TRMT13: variants seen among roughly 807,000 people sequenced by gnomAD.
TRMT13 encodes the protein tRNA:m(4)X modification enzyme TRM13 homolog.
Under a neutral mutation model 55.9 loss-of-function variants are expected in TRMT13, and 45 were observed. That is an observed-to-expected ratio of 0.80 (90% CI 0.63 to 1.03). TRMT13 has a LOEUF of 1.03. TRMT13 is among the 50% of genes least tolerant of loss of function. The pLI, the probability that TRMT13 is intolerant of heterozygous loss-of-function variation, is 0.00. For missense variants in TRMT13, 513 were observed against 563.9 expected, an observed-to-expected ratio of 0.91 and a Z score of 0.91; for synonymous variants, 183 against 196.3, an observed-to-expected ratio of 0.93 and a Z score of 0.57.
chr1:100,133,774 G>A (rs1376058137), intron 1 of TRMT13, among the ~76,000 whole-genome samples: 1 of 152,154 alleles, frequency 6.6e-6, no homozygotes, highest in African/African-American at 2.4e-5. Flanking sequence ...GGCCCGGCGC[G>A]GTGGCTCACG....
In TRMT13 at chr1:100,140,900, A is replaced by G; in HGVS notation, c.550A>G (p.Arg184Gly). The change falls in exon 7 of 11, where the codon AGA becomes GGA. Residue 184 changes from arginine (R) to glycine (G), a missense_variant. Physicochemically the swap from Arg to Gly is moderately radical, Grantham distance 125. Transcript: ENST00000370141. ...IENLKLLGPR[R>G]CFVEFGAGKG... The stretch of plus-strand genomic sequence containing the variant: ...AAATTTAAAGTTACTTGGTCCAAGA[A>G]GATGCTTTGTTGAGTTTGGAGCGGG... 6.2e-7 allele frequency: 1 copy of G among 1,613,840 alleles called. No homozygotes were observed. Among genetic ancestry groups the G allele is most frequent in the East Asian group, 2.2e-5 (1 of 44,802 alleles).
At chr1:100,143,535 C>T (rs542399376) in intron 8 of TRMT13, among the ~76,000 whole-genome samples, 1 of 152,230 alleles carries the variant, frequency 6.6e-6, no homozygotes, top group East Asian at 1.9e-4. Context: ...AGCCTTCTGC[C>T]TGCAGTTAAC....
chr1:100,139,847 T>G (rs919708923), intron 4 of TRMT13, 136 bp downstream of exon 4: 1 of 620,814 alleles, frequency 1.6e-6, no homozygotes. Context: ...CTTAATATTG[T>G]TAGTGATGGT....
chr1:100,143,253 T>C (rs766602051), intron 8 of TRMT13, 44 bp downstream of exon 8: 2 of 1,304,878 alleles, frequency 1.5e-6, no homozygotes, highest in Non-Finnish European at 2.2e-6. Flanking sequence ...AAATCATAAC[T>C]GTTTTAAACT....
chr1:100,146,290 T>A (rs1338991969), intron 9 of TRMT13, among the ~76,000 whole-genome samples: 3 of 152,218 alleles, frequency 2.0e-5, no homozygotes, highest in African/African-American at 7.2e-5. Context: ...TCTTCCACCA[T>A]GCTCTGAATT....
At chr1:100,133,735 G>A (rs1178708033) in intron 1 of TRMT13, among the ~76,000 whole-genome samples, 2 of 152,130 alleles carry the variant, frequency 1.3e-5, no homozygotes, top group African/African-American at 4.8e-5. Flanking sequence ...GCGGTTGGAA[G>A]AAACTTTCTT....
chr1:100,133,284 G>A lies in TRMT13; in HGVS notation c.116G>A (p.Arg39Lys), dbSNP rs746522645. 1.9e-6 allele frequency: 3 copies of A among 1,614,028 alleles called. No homozygotes were observed. The highest frequency in any genetic ancestry group is 2.2e-5 in the East Asian group (1 of 44,874). Reference sequence around the variant, plus strand: ...AGGATGGTGGTGGCCGCAGGGAAAAGATTTTGTGGTGAACACGCTGGAGCC... The same window carrying A: ...AGGATGGTGGTGGCCGCAGGGAAAAAATTTTGTGGTGAACACGCTGGAGCC... ...FCRMVVAAGK[R>K]FCGEHAGAAE... The change falls in exon 1 of 11, where the codon AGA becomes AAA. Residue 39 changes from arginine (R) to lysine (K), a missense_variant. Arg to Lys is a conservative substitution (Grantham distance 26). Coordinates refer to ENST00000370141, the MANE Select transcript of TRMT13 (RefSeq NM_019083.3).
intron 3 of TRMT13, among the ~76,000 whole-genome samples, chr1:100,139,263 CTGT>C (rs1322156403): frequency 5.3e-5 from 8 of 152,172 alleles, no homozygotes; most frequent in Admixed American, 5.2e-4. Context: ...TAGTACTTTG[CTGT>C]TTTTACTTTA....
intron 7 of TRMT13, 81 bp downstream of exon 7, chr1:100,141,100 T>C: frequency 7.7e-7 from 1 of 1,291,380 alleles, no homozygotes; most frequent in African/African-American, 1.5e-5. Flanking sequence ...TAGAAACATT[T>C]CTTAAAAGAA....
rs372251736 is a variant in TRMT13 at position 100,133,341 on chromosome 1, G to A, written c.147+26G>A. ...GTGTGGTATCGCCCTACTCTCTCAA[G>A]AGTCGGAAATAAGTATCCTGGTCCT... On this transcript the variant is annotated intron_variant, in intron 1 of 10. Transcript: ENST00000370141. 36 of 1,611,076 alleles carry A rather than the reference G, an allele frequency of 2.2e-5. No homozygotes were observed. The African/African-American group carries it at 4.5e-4, about 20-fold the overall frequency.
chr1:100,135,849 G>A (rs934483687), intron 1 of TRMT13, among the ~76,000 whole-genome samples: 11 of 152,112 alleles, frequency 7.2e-5, no homozygotes, highest in African/African-American at 2.4e-4. Context: ...GTCAACAACA[G>A]ACCGCATATA....
intron 3 of TRMT13, among the ~76,000 whole-genome samples, chr1:100,139,284 A>G (rs528054238): frequency 1.3e-5 from 2 of 152,354 alleles, no homozygotes; most frequent in African/African-American, 4.8e-5. Flanking sequence ...TTAGCACTAT[A>G]AGACAAAATT....
At position 100,150,056 on chromosome 1, in the gene TRMT13, C is replaced by G. The variant is rs752927920; in HGVS notation, c.*1236C>G. 1 of 152,230 alleles carries G rather than the reference C, an allele frequency of 6.6e-6. No individual in the cohort carries two copies. The highest frequency in any genetic ancestry group is 1.5e-5 in the Non-Finnish European group (1 of 68,134). 9.4% of individuals were successfully genotyped at this position (152,230 alleles called of 1,614,324 possible). A position where few individuals can be genotyped will look rare whatever the true frequency, so the allele number is the denominator to read the frequency against. On this transcript the variant is annotated 3_prime_UTR_variant, in exon 11 of 11. Coordinates refer to ENST00000370141, the MANE Select transcript of TRMT13 (RefSeq NM_019083.3). ...CGACCTTGGGCATGCTACCTAATCT[C>G]TTTGTGCCTCAATTTCCTCCTTTTA...
intron 3 of TRMT13, 119 bp downstream of exon 3, chr1:100,137,204 T>G: frequency 1.1e-6 from 1 of 879,850 alleles, no homozygotes; most frequent in Non-Finnish European, 1.7e-6. Context: ...AAATATAATT[T>G]TTTTTTAAAG....
intron 3 of TRMT13, 100 bp from the exon 4 acceptor site, chr1:100,139,549 A>T: frequency 1.5e-6 from 1 of 671,538 alleles, no homozygotes; most frequent in Non-Finnish European, 2.6e-6. Flanking sequence ...GGAGGATGGC[A>T]GGTACAGAGC....
intron 1 of TRMT13, among the ~76,000 whole-genome samples, chr1:100,135,458 G>A (rs1378308402): frequency 6.6e-6 from 1 of 152,000 alleles, no homozygotes; most frequent in African/African-American, 2.4e-5. Flanking sequence ...AGGCACATTC[G>A]AACAGAAATA....
intron 7 of TRMT13, among the ~76,000 whole-genome samples, chr1:100,142,415 T>C (rs1656746662): frequency 6.6e-6 from 1 of 152,154 alleles, no homozygotes; most frequent in Non-Finnish European, 1.5e-5. Context: ...CTAAAGCTAT[T>C]GCATTGGGAT....
At chr1:100,139,608 C>A in intron 3 of TRMT13, 41 bp from the exon 4 acceptor site, 1 of 1,249,002 alleles carries the variant, frequency 8.0e-7, no homozygotes, top group Non-Finnish European at 1.2e-6. Flanking sequence ...TTGTGAGCTA[C>A]ACATTATTAA....
intron 1 of TRMT13, 77 bp downstream of exon 1, chr1:100,133,392 C>T (rs952310237): frequency 1.3e-6 from 2 of 1,486,702 alleles, no homozygotes; most frequent in Non-Finnish European, 1.8e-6. Flanking sequence ...CGGCCCCTCC[C>T]CTCTTTGACA....
Sources: allele counts gnomAD v4.1 joint callset (sites outside exome capture counted in the v4.1 genomes callset), GRCh38; gene constraint gnomAD v4.1.1; transcripts MANE v1.5; gene names NCBI Gene and HGNC (gene_info 2026-07-23, HGNC 2026-07-21).